The following NEGR1 variants were observed in gnomAD, a reference collection of about 807,000 sequenced individuals.
The protein encoded by NEGR1 is neuronal growth regulator 1, also known as IgLON family member 4.
A neutral mutation model predicts 40.9 loss-of-function variants in NEGR1; 10 were observed. The observed-to-expected ratio is 0.24, with a 90% confidence interval of 0.15 to 0.42. The LOEUF is 0.42. Among genes scored for constraint, NEGR1 ranks in the 10% least tolerant of loss-of-function variants. NEGR1 has a pLI of 1.00. For synonymous variants in NEGR1, 185 were observed against 166.8 expected (o/e 1.11, Z -0.84); for missense variants, 352 against 438.9 (o/e 0.80, Z 1.77).
rs1159429708 is a variant in NEGR1 at position 71,930,476 on chromosome 1, C to T, written c.409+4603G>A. On this transcript the variant is annotated intron_variant, in intron 2 of 6. Coordinates refer to ENST00000357731, the MANE Select transcript of NEGR1 (RefSeq NM_173808.3). The stretch of plus-strand genomic sequence containing the variant: ...TATTACAAATTTTATGATCTAACCT[C>T]ACCTCTGACTGCATCCTACTCTTCT... Among the ~76,000 whole-genome samples, 3 of 152,286 alleles carry T rather than the reference C, an allele frequency of 2.0e-5. No homozygotes were observed. In the East Asian group the frequency reaches 5.8e-4, roughly 29 times the overall value.
At chr1:71,573,756 G>A (rs996679854) in intron 6 of NEGR1, among the ~76,000 whole-genome samples, 1 of 152,054 alleles carries the variant, frequency 6.6e-6, no homozygotes, top group African/African-American at 2.4e-5. Context: ...AGTCTGCTAA[G>A]TCCTAGGCAG....
chr1:72,111,121 T>C (rs570048314), intron 1 of NEGR1, among the ~76,000 whole-genome samples: 7 of 149,546 alleles, frequency 4.7e-5, no homozygotes, highest in East Asian at 2.0e-4. Context: ...CGTATATATA[T>C]ACACACACAC....
At chr1:71,840,397 A>C (rs1472466029) in intron 2 of NEGR1, among the ~76,000 whole-genome samples, 1 of 152,148 alleles carries the variant, frequency 6.6e-6, no homozygotes, top group Non-Finnish European at 1.5e-5. Flanking sequence ...AAAAAGATAT[A>C]TCTAATAAGT....
intron 6 of NEGR1, among the ~76,000 whole-genome samples, chr1:71,450,871 A>G (rs1208110274): frequency 1.3e-5 from 2 of 152,128 alleles, no homozygotes; most frequent in Non-Finnish European, 2.9e-5. Flanking sequence ...TTTTGTTTCT[A>G]TACTTCCCAG....
intron 2 of NEGR1, among the ~76,000 whole-genome samples, chr1:71,928,560 A>G (rs1297281972): frequency 6.8e-6 from 1 of 147,770 alleles, no homozygotes; most frequent in Non-Finnish European, 1.5e-5. Flanking sequence ...ATATGTGTAT[A>G]TATATACCTA....
At chr1:72,058,834 G>A (rs72680869) in intron 1 of NEGR1, among the ~76,000 whole-genome samples, 12 of 151,706 alleles carry the variant, frequency 7.9e-5, no homozygotes, top group Non-Finnish European at 1.5e-4. Flanking sequence ...TGTTCAAATT[G>A]TTTCCTTTAA....
At chr1:72,217,746 G>A (rs570946403) in intron 1 of NEGR1, among the ~76,000 whole-genome samples, 1 of 151,880 alleles carries the variant, frequency 6.6e-6, no homozygotes, top group Non-Finnish European at 1.5e-5. Flanking sequence ...CCTAACAGTG[G>A]AAGTAAATGA....
intron 6 of NEGR1, among the ~76,000 whole-genome samples, chr1:71,579,036 C>T (rs1649047046): frequency 6.6e-6 from 1 of 152,126 alleles, no homozygotes; most frequent in Admixed American, 6.6e-5. Context: ...CAAAGCATTA[C>T]AGTATTCTGG....
chr1:72,061,396 G>T (rs934506102), intron 1 of NEGR1, among the ~76,000 whole-genome samples: 17 of 151,688 alleles, frequency 1.1e-4, no homozygotes, highest in Non-Finnish European at 2.1e-4. Flanking sequence ...ATTTATTTTA[G>T]ATATTTAATG....
At chr1:72,095,257 AC>A (rs1379516093) in intron 1 of NEGR1, among the ~76,000 whole-genome samples, 5 of 152,160 alleles carry the variant, frequency 3.3e-5, no homozygotes, top group Non-Finnish European at 1.5e-5. Context: ...TTTATTTTGC[AC>A]TCAAACATGA....
intron 2 of NEGR1, among the ~76,000 whole-genome samples, chr1:71,805,108 A>T (rs1175994167): frequency 6.6e-6 from 1 of 152,064 alleles, no homozygotes; most frequent in African/African-American, 2.4e-5. Flanking sequence ...AGGATGAGGA[A>T]ATTCCCGCAT....
intron 6 of NEGR1, among the ~76,000 whole-genome samples, chr1:71,494,312 T>C (rs569056664): frequency 1.2e-3 from 186 of 152,142 alleles, no homozygotes; most frequent in Non-Finnish European, 2.2e-3. Context: ...CAGCACTATG[T>C]GATTAAGCCC....
intron 2 of NEGR1, among the ~76,000 whole-genome samples, chr1:71,887,244 G>A (rs1660748545): frequency 6.6e-6 from 1 of 152,180 alleles, no homozygotes; most frequent in Admixed American, 6.5e-5. Flanking sequence ...TGAGGAGGAG[G>A]AGGAAGGGGA....
intron 1 of NEGR1, among the ~76,000 whole-genome samples, chr1:72,235,216 T>C (rs927626578): frequency 1.3e-5 from 2 of 152,082 alleles, no homozygotes; most frequent in African/African-American, 4.8e-5. Context: ...TGAGTTAACG[T>C]GCAAGCGTCA....
At chr1:72,090,365 T>TA (rs59316206) in intron 1 of NEGR1, among the ~76,000 whole-genome samples, 25,188 of 131,042 alleles carry the variant, frequency 0.19, 2,434 homozygotes, top group African/African-American at 0.22. Context: ...CTTTTTTTCT[T>TA]AAAAAAAAAA....
chr1:72,110,218 TAATAA>T (rs1649301349), intron 1 of NEGR1, among the ~76,000 whole-genome samples: 1 of 39,380 alleles, frequency 2.5e-5, no homozygotes. Flanking sequence ...ACTTAGAGTA[TAATAA>T]AAAAAAAAAA....
rs371306460 is a variant in NEGR1, at chr1:71,562,329, T to C, written c.940+30488A>G. 1.1e-4 allele frequency among the ~76,000 whole-genome samples: 17 copies of C among 152,002 alleles called. No homozygotes were observed. In the East Asian group the frequency reaches 3.3e-3, roughly 29 times the overall value. The stretch of plus-strand genomic sequence containing the variant: ...AGAATCTAGAAAGATCTTATTTCCT[T>C]CTTTAAAACACTGGACATAAATCTT... On this transcript the variant is annotated intron_variant, in intron 6 of 6. Transcript: ENST00000357731.
chr1:71,807,038 G>A (rs915862243), intron 2 of NEGR1, among the ~76,000 whole-genome samples: 29 of 151,604 alleles, frequency 1.9e-4, no homozygotes, highest in Admixed American at 7.9e-4. Flanking sequence ...GACTACAGGC[G>A]CCTGCCACAA....
intron 6 of NEGR1, among the ~76,000 whole-genome samples, chr1:71,555,048 C>T (rs186115458): frequency 8.9e-4 from 135 of 151,682 alleles, no homozygotes; most frequent in Non-Finnish European, 1.7e-3. Flanking sequence ...GTTGGCACAG[C>T]TGCCTTCCTA....
Sources: allele counts gnomAD v4.1 joint callset (sites outside exome capture counted in the v4.1 genomes callset), GRCh38; gene constraint gnomAD v4.1.1; transcripts MANE v1.5; gene names NCBI Gene and HGNC (gene_info 2026-07-23, HGNC 2026-07-21).